GRM7: variants seen among roughly 807,000 people sequenced by gnomAD.
GRM7 encodes glutamate metabotropic receptor 7.
A neutral mutation model predicts 84.5 loss-of-function variants in GRM7; 35 were observed. The observed-to-expected ratio is 0.41, with a 90% CI of 0.32 to 0.55. GRM7 has a LOEUF of 0.55. Among genes scored for constraint, GRM7 ranks in the 20% least tolerant of loss-of-function variants. GRM7 has a pLI of 0.19. For synonymous variants in GRM7, 487 were observed against 455.1 expected (o/e 1.07, Z -0.89); for missense variants, 1,003 against 1,194.6 (o/e 0.84, Z 2.36).
intron 1 of GRM7, among the ~76,000 whole-genome samples, chr3:7,119,363 A>G (rs544073296): frequency 2.6e-4 from 39 of 152,244 alleles, no homozygotes; most frequent in African/African-American, 7.9e-4. Context: ...TGGAAATTGT[A>G]TACGTGCTGG....
At chr3:7,104,274 C>A (rs1049614301) in intron 1 of GRM7, among the ~76,000 whole-genome samples, 6 of 151,216 alleles carry the variant, frequency 4.0e-5, no homozygotes, top group Admixed American at 3.3e-4. Context: ...TGAGGAAAGA[C>A]CAAAAAGGTT....
intron 1 of GRM7, among the ~76,000 whole-genome samples, chr3:6,993,167 G>A (rs1473643750): frequency 6.6e-6 from 1 of 152,134 alleles, no homozygotes; most frequent in African/African-American, 2.4e-5. Context: ...CCTTATAAAA[G>A]CATCAGATCT....
intron 4 of GRM7, among the ~76,000 whole-genome samples, chr3:7,374,459 G>A (rs2125121417): frequency 6.6e-6 from 1 of 151,734 alleles, no homozygotes; most frequent in Middle Eastern, 3.4e-3. Context: ...GATTACAGAT[G>A]TGAGCTATTT....
chr3:7,396,781 T>G (rs1001802888), intron 4 of GRM7, among the ~76,000 whole-genome samples: 6 of 152,150 alleles, frequency 3.9e-5, no homozygotes, highest in Admixed American at 6.6e-5. Context: ...TTATTCTTCC[T>G]TAGGAATAAC....
intron 1 of GRM7, among the ~76,000 whole-genome samples, chr3:6,979,460 G>A (rs529682563): frequency 1.1e-4 from 17 of 152,180 alleles, no homozygotes; most frequent in Non-Finnish European, 2.5e-4. Context: ...CAACAACCAC[G>A]TTTCTAGGAC....
chr3:6,873,992 T>G (rs1000703898), intron 1 of GRM7, among the ~76,000 whole-genome samples: 11 of 152,242 alleles, frequency 7.2e-5, no homozygotes, highest in Admixed American at 7.2e-4. Flanking sequence ...TTATATAGTT[T>G]AGTAATTGAG....
chr3:7,555,573 C>T (rs1693716336), intron 7 of GRM7, among the ~76,000 whole-genome samples: 1 of 152,204 alleles, frequency 6.6e-6, no homozygotes, highest in African/African-American at 2.4e-5. Flanking sequence ...CCTAACAATT[C>T]TGTGCACCTT....
chr3:7,561,747 C>T (rs2125036999), intron 7 of GRM7, among the ~76,000 whole-genome samples: 1 of 152,264 alleles, frequency 6.6e-6, no homozygotes, highest in African/African-American at 2.4e-5. Context: ...TTAGAAGCCA[C>T]TTCTCTCTTA....
intron 1 of GRM7, among the ~76,000 whole-genome samples, chr3:7,035,837 A>T (rs11711367): frequency 0.45 from 68,635 of 152,090 alleles, 16,722 homozygotes; most frequent in South Asian, 0.59. Flanking sequence ...CTTAGAAATA[A>T]TTATGGACAC....
chr3:6,996,229 A>T (rs2021523), intron 1 of GRM7, among the ~76,000 whole-genome samples: 151,148 of 152,128 alleles, frequency 0.99, 75,092 homozygotes, highest in African/African-American at 1. Context: ...TTTGTATTTT[A>T]AGTAGAGATG....
At chr3:7,505,561 G>A (rs1048048160) in intron 7 of GRM7, among the ~76,000 whole-genome samples, 7 of 152,232 alleles carry the variant, frequency 4.6e-5, no homozygotes, top group Non-Finnish European at 1.0e-4. Flanking sequence ...CTAATTGGAG[G>A]AAGTCATGTG....
At chr3:7,443,028 TTCC>T (rs1333797570) in intron 5 of GRM7, among the ~76,000 whole-genome samples, 9 of 151,804 alleles carry the variant, frequency 5.9e-5, no homozygotes, top group Admixed American at 5.9e-4. Flanking sequence ...TCATTTTCTT[TTCC>T]ATCCTCCTCC....
intron 7 of GRM7, among the ~76,000 whole-genome samples, chr3:7,573,042 G>T (rs1694783261): frequency 6.6e-6 from 1 of 150,734 alleles, no homozygotes; most frequent in South Asian, 2.1e-4. Context: ...TTAATGTTCA[G>T]AAATAGAGGC....
chr3:7,467,088 G>C (rs1369482778), intron 7 of GRM7, among the ~76,000 whole-genome samples: 1 of 152,084 alleles, frequency 6.6e-6, no homozygotes, highest in East Asian at 1.9e-4. Context: ...GGGCACACAA[G>C]TTTCTCTTTC....
chr3:7,577,563 A>G (rs1371755919), intron 7 of GRM7, among the ~76,000 whole-genome samples: 1 of 152,204 alleles, frequency 6.6e-6, no homozygotes, highest in African/African-American at 2.4e-5. Context: ...ACCCAACAGT[A>G]AAGTTTCCCG....
At chr3:7,500,771 G>A (rs559976007) in intron 7 of GRM7, among the ~76,000 whole-genome samples, 1 of 152,304 alleles carries the variant, frequency 6.6e-6, no homozygotes, top group East Asian at 1.9e-4. Flanking sequence ...CATGACTAGG[G>A]CAGAGGCATA....
chr3:6,903,550 T>C (rs1696468916), intron 1 of GRM7, among the ~76,000 whole-genome samples: 1 of 152,162 alleles, frequency 6.6e-6, no homozygotes, highest in African/African-American at 2.4e-5. Context: ...ATTACCCTAG[T>C]GATGAGAACG....
At chr3:6,941,363 T>C (rs1162141526) in intron 1 of GRM7, among the ~76,000 whole-genome samples, 1 of 152,216 alleles carries the variant, frequency 6.6e-6, no homozygotes, top group Non-Finnish European at 1.5e-5. Flanking sequence ...GCTGAAAACA[T>C]TGACTTTTTA....
rs189076931 is a variant in GRM7, at chr3:7,089,505, A to G, written c.520-56947A>G. Among the ~76,000 whole-genome samples, 165 of 152,258 alleles carry G rather than the reference A, an allele frequency of 1.1e-3. 2 individuals are homozygous for G. The highest frequency in any genetic ancestry group is 7.7e-3 in the Admixed American group (117 of 15,290). On this transcript the variant is annotated intron_variant, in intron 1 of 9. Coordinates refer to ENST00000357716, the MANE Select transcript of GRM7 (RefSeq NM_000844.4). ...CGGGAGAAGCAGAAGGATTGTATAT[A>G]TTTCATCTGCTGCTCTTCAAGCAGA...
Sources: gnomAD v4.1 joint callset for allele counts (sites outside exome capture counted in the v4.1 genomes callset) on GRCh38, gnomAD v4.1.1 for gene constraint, MANE v1.5 for transcripts, NCBI Gene and HGNC (gene_info 2026-07-23, HGNC 2026-07-21) for gene names.